Variants in DAPK1 observed in about 807,000 individuals in gnomAD.
The protein encoded by DAPK1 is death associated protein kinase 1.
DAPK1 carries 56 observed loss-of-function variants against 144.9 expected under a neutral mutation model. The observed-to-expected ratio is 0.39, with a 90% CI of 0.31 to 0.48. The LOEUF is 0.48. DAPK1 is among the 20% of genes least tolerant of loss of function. The pLI is 0.95. For synonymous variants in DAPK1, 690 were observed against 749.0 expected, an observed-to-expected ratio of 0.92 and a Z score of 1.29; for missense variants, 1,454 against 1,875.4, an observed-to-expected ratio of 0.78 and a Z score of 4.15.
In DAPK1 at chr9:87,595,758, C is replaced by T. The variant is rs569118211; in HGVS notation, c.63-9196C>T. Among the ~76,000 whole-genome samples, 13 of 152,250 alleles carry T rather than the reference C, an allele frequency of 8.5e-5. No homozygotes were observed. The East Asian group carries it at 1.2e-3, about 14-fold the overall frequency. The stretch of plus-strand genomic sequence containing the variant: ...GCTCTCCTTGGCCCATTGCGCTGTT[C>T]GCCCTTCTCTTTCTGCATCTCTTTC... On this transcript the variant is annotated intron_variant, in intron 2 of 25. Transcript: ENST00000408954.
intron 2 of DAPK1, among the ~76,000 whole-genome samples, chr9:87,561,833 C>T (rs1443973758): frequency 6.6e-6 from 1 of 152,176 alleles, no homozygotes; most frequent in Non-Finnish European, 1.5e-5. Flanking sequence ...GAGACCCAGG[C>T]TCCCTGGGTT....
At chr9:87,657,905 G>C in intron 17 of DAPK1, 124 bp from the exon 18 acceptor site, 1 of 699,182 alleles carries the variant, frequency 1.4e-6, no homozygotes, top group Non-Finnish European at 2.6e-6. Flanking sequence ...TTCAGGAGAA[G>C]GGAGATGGCT....
At chr9:87,606,642 TC>T (rs1176423570) in intron 3 of DAPK1, among the ~76,000 whole-genome samples, 15 of 101,486 alleles carry the variant, frequency 1.5e-4, no homozygotes, top group African/African-American at 5.5e-4. Context: ...TCTCCCTCCC[TC>T]CATCTCTCCT....
At chr9:87,561,405 G>A (rs971411713) in intron 2 of DAPK1, among the ~76,000 whole-genome samples, 9 of 151,954 alleles carry the variant, frequency 5.9e-5, no homozygotes, top group Admixed American at 1.3e-4. Context: ...GGGCGCCTGT[G>A]GTCCCAGCTA....
In DAPK1 at chr9:87,647,850, CT is replaced by C. The variant is rs568413347; in HGVS notation, c.1329+455del. Among the ~76,000 whole-genome samples, 295 of 151,952 alleles carry C rather than the reference CT, an allele frequency of 1.9e-3. 1 individual carries two copies. The highest frequency in any genetic ancestry group is 6.6e-3 in the African/African-American group (273 of 41,446). On this transcript the variant is annotated intron_variant, in intron 14 of 25. Coordinates refer to ENST00000408954, the MANE Select transcript of DAPK1 (RefSeq NM_004938.4). ...ATGCACATAAAGTAATAAAGTAAGG[CT>C]TTTTTTTGGCACAACGGTGTTATAA...
In DAPK1 at chr9:87,617,772, C is replaced by T. The variant is rs560249155; in HGVS notation, c.284+12597C>T. Among the ~76,000 whole-genome samples, 342 of 152,292 alleles carry T rather than the reference C, an allele frequency of 2.2e-3. 3 individuals carry two copies. Among genetic ancestry groups the T allele is most frequent in the Admixed American group, 8.2e-3 (125 of 15,300 alleles). On this transcript the variant is annotated intron_variant, in intron 3 of 25. Transcript: ENST00000408954. ...GGCCTACTCGACATTTCCTCCAAGA[C>T]GGGTCTCCCCAGGTACCTCAACTTC...
intron 18 of DAPK1, among the ~76,000 whole-genome samples, chr9:87,663,022 G>C (rs1830919639): frequency 1.3e-5 from 2 of 151,994 alleles, no homozygotes; most frequent in South Asian, 4.2e-4. Flanking sequence ...CCCTCCAGAA[G>C]CAATTCCATC....
At chr9:87,652,951 T>C (rs1161117633) in intron 17 of DAPK1, among the ~76,000 whole-genome samples, 1 of 138,078 alleles carries the variant, frequency 7.2e-6, no homozygotes, top group Non-Finnish European at 1.6e-5. Context: ...CCTGATTCTG[T>C]GTCCTCCCAC....
intron 2 of DAPK1, among the ~76,000 whole-genome samples, chr9:87,509,312 T>C (rs896216532): frequency 6.6e-6 from 1 of 152,182 alleles, no homozygotes; most frequent in Non-Finnish European, 1.5e-5. Flanking sequence ...TAAAATAATA[T>C]TTCATTGGCC....
chr9:87,690,974 G>T (rs535598434), intron 21 of DAPK1, among the ~76,000 whole-genome samples: 54 of 151,962 alleles, frequency 3.6e-4, no homozygotes, highest in African/African-American at 1.3e-3. Flanking sequence ...CTATAATGAT[G>T]ATGATGTTGT....
In DAPK1 at chr9:87,707,157, G is replaced by A. The variant is rs768819316; in HGVS notation, c.4086G>A (p.Leu1362=). 3 of 1,613,642 alleles carry A rather than the reference G, an allele frequency of 1.9e-6. No homozygotes were observed. The South Asian group carries it at 3.3e-5, about 18-fold the overall frequency. Residue 1362 remains leucine, a synonymous_variant, in exon 26 of 26, where the codon CTG becomes CTA. Coordinates refer to ENST00000408954, the MANE Select transcript of DAPK1 (RefSeq NM_004938.4). The surrounding 1 kb of genome is among the most constrained non-coding windows in gnomAD (Gnocchi z 4.0). ...DFLPSPLHAL[L]REWTTYPEST... is the part of the protein sequence containing the mutation. ...TCCCCAGCCCCCTCCACGCCCTGCT[G>A]CGGGAATGGACCACCTACCCTGAGA...
At chr9:87,644,660 G>T (rs1830207909) in intron 11 of DAPK1, among the ~76,000 whole-genome samples, 1 of 152,118 alleles carries the variant, frequency 6.6e-6, no homozygotes, top group African/African-American at 2.4e-5. Context: ...TGTGACTCTA[G>T]GTAAGATAAT....
upstream of DAPK1, chr9:87,497,339 C>T (rs1377775144): frequency 6.6e-6 from 1 of 152,230 alleles, no homozygotes; most frequent in African/African-American, 2.4e-5. Context: ...TTCCATTAAC[C>T]TGTTTCGTGG....
intron 2 of DAPK1, among the ~76,000 whole-genome samples, chr9:87,590,779 G>A (rs1828106085): frequency 6.6e-6 from 1 of 152,024 alleles, no homozygotes; most frequent in Non-Finnish European, 1.5e-5. Flanking sequence ...TATAGAGATG[G>A]GGTCTCACTA....
Position 87,643,361 on chromosome 9 carries a change from T to G in DAPK1, c.919-15T>G. On this transcript the variant is annotated splice_polypyrimidine_tract_variant and intron_variant, in intron 10 of 25. Transcript: ENST00000408954. ...CCCCGCCCTCCCTTTTTTTTTTTTT[T>G]TTTTTAAAAAAAAGCAATCCGTTCG... 6.6e-7 allele frequency: 1 copy of G among 1,505,560 alleles called. No homozygotes were observed. The highest frequency in any genetic ancestry group is 8.9e-7 in the Non-Finnish European group (1 of 1,122,522). The allele number at this position is 1,505,560 out of a possible 1,614,324, so 93.3% of individuals were successfully genotyped here.
intron 19 of DAPK1, among the ~76,000 whole-genome samples, chr9:87,680,869 T>C (rs890478639): frequency 6.6e-6 from 1 of 152,212 alleles, no homozygotes; most frequent in African/African-American, 2.4e-5. Flanking sequence ...GAGACAGCAG[T>C]GATGGTCCTG....
intron 2 of DAPK1, among the ~76,000 whole-genome samples, chr9:87,503,212 TA>T (rs1824472408): frequency 2.6e-5 from 4 of 152,112 alleles, no homozygotes; most frequent in African/African-American, 9.7e-5. Flanking sequence ...GTGATGTGTC[TA>T]AAATATATAT....
At chr9:87,637,896 A>G (rs1470250477) in intron 3 of DAPK1, 47 bp from the exon 4 acceptor site, 2 of 1,597,626 alleles carry the variant, frequency 1.3e-6, no homozygotes, top group Non-Finnish European at 1.7e-6. Flanking sequence ...GAAGGAATCA[A>G]TATGAAACAG....
chr9:87,679,200 G>C (rs1432845434), intron 19 of DAPK1, among the ~76,000 whole-genome samples: 1 of 152,088 alleles, frequency 6.6e-6, no homozygotes, highest in Admixed American at 6.6e-5. Flanking sequence ...CCGCAGATGG[G>C]CTCCTGGTCT....
Sources: gnomAD v4.1 joint callset for allele counts (sites outside exome capture counted in the v4.1 genomes callset) on GRCh38, gnomAD v4.1.1 for gene constraint, Gnocchi (gnomAD v3.1) non-coding constraint, MANE v1.5 for transcripts, NCBI Gene and HGNC (gene_info 2026-07-23, HGNC 2026-07-21) for gene names.